The following CYB5B variants were observed in gnomAD, a reference collection of about 807,000 sequenced individuals.
CYB5B encodes the protein cytochrome b5 type B (outer mitochondrial membrane).
Under a neutral mutation model 21.3 loss-of-function variants are expected in CYB5B, and 14 were observed. The ratio of observed to expected loss-of-function variants is 0.66; its 90% CI spans 0.43 to 1.03. CYB5B has a LOEUF of 1.03. CYB5B is among the 50% of genes least tolerant of loss of function. CYB5B has a pLI of 0.00. For synonymous variants in CYB5B, 69 were observed against 68.4 expected (o/e 1.01, Z -0.04); for missense variants, 166 against 185.1 (o/e 0.90, Z 0.60).
intron 1 of CYB5B, among the ~76,000 whole-genome samples, chr16:69,426,126 G>T (rs1186012957): frequency 1.3e-5 from 2 of 152,170 alleles, no homozygotes; most frequent in African/African-American, 4.8e-5. Context: ...CCGGTCGGGC[G>T]CGGTGGCTCA....
At chr16:69,427,502 T>C (rs572883741) in intron 1 of CYB5B, among the ~76,000 whole-genome samples, 1 of 152,248 alleles carries the variant, frequency 6.6e-6, no homozygotes, top group Non-Finnish European at 1.5e-5. Context: ...TCTTGGAGCT[T>C]GAGCTGCAGC....
chr16:69,427,057 C>G (rs1365012400), intron 1 of CYB5B, among the ~76,000 whole-genome samples: 1 of 152,056 alleles, frequency 6.6e-6, no homozygotes, highest in African/African-American at 2.4e-5. Flanking sequence ...CTGGCCAACA[C>G]GGCGAAACCT....
In CYB5B at chr16:69,456,791, G is replaced by T. The variant is rs189182373; in HGVS notation, c.334-2302G>T. 1.1e-4 allele frequency among the ~76,000 whole-genome samples: 16 copies of T among 152,318 alleles called. No individual in the cohort carries two copies. In the East Asian group the frequency reaches 3.1e-3, roughly 29 times the overall value. On this transcript the variant is annotated intron_variant, in intron 3 of 4. Coordinates refer to ENST00000307892, the MANE Select transcript of CYB5B (RefSeq NM_030579.3). ...CTGGGGGGAACTGTGCCTAGGGGAA[G>T]GGTGGAGGTGAAGGGAGGTTATGTG...
chr16:69,455,865 TTTC>T (rs1357525918), intron 3 of CYB5B, among the ~76,000 whole-genome samples: 2 of 152,100 alleles, frequency 1.3e-5, no homozygotes, highest in African/African-American at 2.4e-5. Context: ...AGAATGGTGT[TTTC>T]TTCTCTCTAC....
chr16:69,453,346 A>T (rs543924936), intron 3 of CYB5B, among the ~76,000 whole-genome samples: 14 of 152,320 alleles, frequency 9.2e-5, no homozygotes, highest in Admixed American at 5.9e-4. Context: ...ACTAAAAGGA[A>T]TATATTGTTT....
intron 1 of CYB5B, among the ~76,000 whole-genome samples, chr16:69,439,640 C>G (rs2014799325): frequency 6.6e-6 from 1 of 152,230 alleles, no homozygotes; most frequent in South Asian, 2.1e-4. Context: ...GAACTCTGCT[C>G]ACTGTAACCT....
rs967122150 is a variant in CYB5B, at chr16:69,427,353, G to A, written c.174+2496G>A. 2.6e-5 allele frequency among the ~76,000 whole-genome samples: 4 copies of A among 151,918 alleles called. No individual in the cohort carries two copies. In the East Asian group the frequency reaches 5.8e-4, roughly 22 times the overall value. On this transcript the variant is annotated intron_variant, in intron 1 of 4. Transcript: ENST00000307892. Reference sequence around the variant, plus strand: ...AGGGAACACTCAGCCCTTACAGAGAGCATTAATTCAGTCTCAAGTAATAGT... The same window carrying A: ...AGGGAACACTCAGCCCTTACAGAGAACATTAATTCAGTCTCAAGTAATAGT...
intron 1 of CYB5B, chr16:69,443,884 CA>C: frequency 6.4e-6 from 1 of 156,216 alleles, no homozygotes; most frequent in Non-Finnish European, 1.4e-5. Flanking sequence ...ACAACAACAA[CA>C]AAAAACAGAG....
intron 1 of CYB5B, among the ~76,000 whole-genome samples, chr16:69,433,790 G>A (rs1032554880): frequency 1.3e-5 from 2 of 152,118 alleles, no homozygotes; most frequent in Non-Finnish European, 2.9e-5. Context: ...CAATGAGGGT[G>A]CATTCTGAGA....
chr16:69,424,696 A>G lies in CYB5B; in HGVS notation c.13A>G (p.Met5Val), dbSNP rs377034526. MSGSMATAEASGSDG... is the reference protein window; with the variant it reads MSGSVATAEASGSDG... ...GTGGAGAGGCAGTATGTCCGGTTCA[A>G]TGGCGACTGCGGAAGCTAGCGGCAG... The change falls in exon 1 of 5, where the codon ATG becomes GTG. Residue 5 changes from methionine (M) to valine (V), a missense_variant. Met to Val is a conservative substitution (Grantham distance 21). Coordinates refer to ENST00000307892, the MANE Select transcript of CYB5B (RefSeq NM_030579.3). 3.1e-6 allele frequency: 5 copies of G among 1,587,760 alleles called. No homozygotes were observed. Among genetic ancestry groups the G allele is most frequent in the Non-Finnish European group, 4.3e-6 (5 of 1,166,654 alleles).
At position 69,463,051 on chromosome 16, in the gene CYB5B, C is replaced by G. The variant is rs1404853166; in HGVS notation, c.*531C>G. ...TTGAGGCCAAGAGTTCAAGACCAGC[C>G]TGGGCAACATAGCGAGACCCCTATC... On this transcript the variant is annotated 3_prime_UTR_variant, in exon 5 of 5. Transcript: ENST00000307892. The G allele has an allele frequency of 6.5e-6, 1 of 153,640 alleles. No homozygotes were observed. Among genetic ancestry groups the G allele is most frequent in the African/African-American group, 2.4e-5 (1 of 41,366 alleles). The allele number at this position is 153,640 out of a possible 1,614,324, so 9.5% of individuals were successfully genotyped here.
chr16:69,445,040 A>C (rs1177852274), intron 1 of CYB5B, among the ~76,000 whole-genome samples: 1 of 152,254 alleles, frequency 6.6e-6, no homozygotes, highest in African/African-American at 2.4e-5. Flanking sequence ...TCAAAAATTC[A>C]GTCATTCCCT....
intron 1 of CYB5B, among the ~76,000 whole-genome samples, chr16:69,431,530 G>C (rs1214782316): frequency 6.6e-6 from 1 of 151,968 alleles, no homozygotes; most frequent in Non-Finnish European, 1.5e-5. Context: ...CCAGCACTTT[G>C]GGAAGCCAAG....
chr16:69,465,551 A>G lies in CYB5B; in HGVS notation c.*3031A>G, dbSNP rs151183908. ...TTTGAGCCTGTAAAGTTGTTTTAGC[A>G]GTTGTCATAAATGCATATGTTGTGA... On this transcript the variant is annotated 3_prime_UTR_variant, in exon 5 of 5. Coordinates refer to ENST00000307892, the MANE Select transcript of CYB5B (RefSeq NM_030579.3). 3 of 152,366 alleles carry G rather than the reference A, an allele frequency of 2.0e-5. No homozygotes were observed. The East Asian group carries it at 5.8e-4, about 29-fold the overall frequency. The allele number at this position is 152,366 out of a possible 1,614,324, so 9.4% of individuals were successfully genotyped here.
chr16:69,451,587 A>G (rs1010051828), intron 3 of CYB5B, among the ~76,000 whole-genome samples: 1 of 151,740 alleles, frequency 6.6e-6, no homozygotes, highest in Non-Finnish European at 1.5e-5. Flanking sequence ...TCCCCATTAC[A>G]TTTTTTTTGA....
chr16:69,435,887 G>T (rs1214901185), intron 1 of CYB5B, among the ~76,000 whole-genome samples: 1 of 152,050 alleles, frequency 6.6e-6, no homozygotes, highest in Non-Finnish European at 1.5e-5. Flanking sequence ...GATCCTCCTG[G>T]CTCAGCCTCC....
rs370364057 is a variant in CYB5B at position 69,441,691 on chromosome 16, C to G, written c.175-5459C>G. Among the ~76,000 whole-genome samples the G allele has an allele frequency of 2.6e-5, 4 of 152,250 alleles. No individual in the cohort carries two copies. The East Asian group carries it at 7.7e-4, about 29-fold the overall frequency. ...GCCTTCTTAAAAAGTTATGTAAACT[C>G]TTATCTAGAATATCTGGGGTTTTTA... On this transcript the variant is annotated intron_variant, in intron 1 of 4. Transcript: ENST00000307892.
intron 1 of CYB5B, among the ~76,000 whole-genome samples, chr16:69,435,205 TCA>T (rs2014748247): frequency 6.6e-6 from 1 of 152,226 alleles, no homozygotes; most frequent in Non-Finnish European, 1.5e-5. Flanking sequence ...AGCACATACT[TCA>T]CAGGGTAGTT....
Position 69,462,757 on chromosome 16 carries a change from C to A in CYB5B, c.*237C>A, listed in dbSNP as rs2015048722. On this transcript the variant is annotated 3_prime_UTR_variant, in exon 5 of 5. Transcript: ENST00000307892. ...TGTTGAACAATTGCCGGTGTTTCCT[C>A]TCTTCACTGGTTTCCATGAGTACCC... 1 of 481,334 alleles carries A rather than the reference C, an allele frequency of 2.1e-6. No individual in the cohort carries two copies. The highest frequency in any genetic ancestry group is 3.3e-5 in the Admixed American group (1 of 30,630). The allele number at this position is 481,334 out of a possible 1,614,324, so 29.8% of individuals were successfully genotyped here. A position where few individuals can be genotyped will look rare whatever the true frequency, so the allele number is the denominator to read the frequency against.
Sources: allele counts gnomAD v4.1 joint callset (sites outside exome capture counted in the v4.1 genomes callset), GRCh38; gene constraint gnomAD v4.1.1; transcripts MANE v1.5; gene names NCBI Gene and HGNC (gene_info 2026-07-23, HGNC 2026-07-21).